The following EML5 variants were observed in gnomAD, a reference collection of about 807,000 sequenced individuals.
The protein encoded by EML5 is EMAP like 5.
In EML5, 120 loss-of-function variants were observed where a neutral mutation model predicts 250.0. The observed-to-expected ratio is 0.48, with a 90% CI of 0.41 to 0.56. The LOEUF is 0.56. Ranked by LOEUF, EML5 falls within the 20% of genes least tolerant of loss-of-function variation. The probability of loss-of-function intolerance (pLI) is 0.00; values close to 1 mark genes in which losing one functional copy is unlikely to be tolerated. For synonymous variants in EML5, 771 were observed against 806.5 expected (o/e 0.96, Z 0.75); for missense variants, 2,006 against 2,437.6 (o/e 0.82, Z 3.73).
Position 88,746,201 on chromosome 14 carries a change from G to C in EML5, c.440C>G (p.Pro147Arg). ...WKRGKMLSMA[P>R]GHTDRIFDIS... Reference sequence around the variant, plus strand: ...AATACTTACTCTATCTGTATGACCAGGAGCCATAGACAACATTTTTCCCCT... The same window carrying C: ...AATACTTACTCTATCTGTATGACCACGAGCCATAGACAACATTTTTCCCCT... The change falls in exon 3 of 44, where the codon CCT becomes CGT. Residue 147 changes from proline (P) to arginine (R), a missense_variant. Physicochemically the swap from Pro to Arg is moderately radical, Grantham distance 103 (BLOSUM62 -2). Around this residue, in one of 7 missense-constraint regions of EML5, gnomAD observed 162 missense variants for 212.2 expected, o/e 0.76. Coordinates refer to ENST00000554922, the MANE Select transcript of EML5 (RefSeq NM_183387.3). 6.2e-7 allele frequency: 1 copy of C among 1,612,662 alleles called. No individual in the cohort carries two copies. Among genetic ancestry groups the C allele is most frequent in the Non-Finnish European group, 8.5e-7 (1 of 1,178,994 alleles).
At chr14:88,720,793 A>G (rs2093577723) in intron 8 of EML5, among the ~76,000 whole-genome samples, 1 of 152,210 alleles carries the variant, frequency 6.6e-6, no homozygotes, top group Non-Finnish European at 1.5e-5. Context: ...AGACAAGAAA[A>G]AGAAATAAAG....
intron 1 of EML5, among the ~76,000 whole-genome samples, chr14:88,775,534 C>CTG (rs1383289529): frequency 6.6e-6 from 1 of 152,050 alleles, no homozygotes; most frequent in East Asian, 1.9e-4. Context: ...GCTCCTCTGT[C>CTG]TTTAGAGAGA....
chr14:88,647,939 C>G (rs2091436122), intron 28 of EML5, among the ~76,000 whole-genome samples: 1 of 152,142 alleles, frequency 6.6e-6, no homozygotes, highest in South Asian at 2.1e-4. Context: ...ACTGGAGATA[C>G]TTCAAAGGAA....
chr14:88,621,795 A>G (rs2089002318), intron 37 of EML5: 2 of 372,356 alleles, frequency 5.4e-6, no homozygotes, highest in Non-Finnish European at 1.1e-5. Context: ...TTTGAAATTG[A>G]CACATAATTA....
chr14:88,729,312 T>G (rs1035798948), intron 7 of EML5, among the ~76,000 whole-genome samples: 3 of 152,204 alleles, frequency 2.0e-5, no homozygotes, highest in African/African-American at 7.2e-5. Context: ...ACTTCAACAT[T>G]AAATATGATA....
chr14:88,650,432 C>T lies in EML5; in HGVS notation c.4005-506G>A, dbSNP rs112725596. On this transcript the variant is annotated intron_variant, in intron 27 of 43. Transcript: ENST00000554922. ...TCGTGCCACTGCACTCCAGCCTGGG[C>T]GACACAGCAAGACTCTGTCTCAAAA... Among the ~76,000 whole-genome samples, 252 of 152,048 alleles carry T rather than the reference C, an allele frequency of 1.7e-3. 3 individuals are homozygous for T. The highest frequency in any genetic ancestry group is 2.9e-3 in the Non-Finnish European group (198 of 67,988).
chr14:88,691,010 C>T (rs539293125), intron 17 of EML5, among the ~76,000 whole-genome samples: 2 of 152,308 alleles, frequency 1.3e-5, no homozygotes, highest in East Asian at 3.9e-4. Context: ...GTCTGCCTCC[C>T]TGGTTTGTGG....
At position 88,664,633 on chromosome 14, in the gene EML5, G is replaced by T. The variant is rs750661186; in HGVS notation, c.3278-9C>A. The T allele has an allele frequency of 3.8e-6, 6 of 1,597,212 alleles. No homozygotes were observed. The Admixed American group carries it at 1.1e-4, about 28-fold the overall frequency. ...AAGATATTTCCCAGAACCTATAATAGAAACATATTTGCTTGACATTTTCTA... is the reference window on the plus strand; with the variant it reads ...AAGATATTTCCCAGAACCTATAATATAAACATATTTGCTTGACATTTTCTA... On this transcript the variant is annotated splice_polypyrimidine_tract_variant and intron_variant, in intron 22 of 43. Transcript: ENST00000554922.
chr14:88,733,872 T>A (rs1207023942), intron 7 of EML5, among the ~76,000 whole-genome samples: 2 of 152,186 alleles, frequency 1.3e-5, no homozygotes, highest in South Asian at 2.1e-4. Context: ...TGAAAATTTT[T>A]AAAAAATAAT....
chr14:88,639,727 C>T (rs1050982231), intron 31 of EML5, among the ~76,000 whole-genome samples: 7 of 152,036 alleles, frequency 4.6e-5, no homozygotes, highest in African/African-American at 1.7e-4. Flanking sequence ...CAGGTGTGTG[C>T]CATCATGCCC....
At chr14:88,657,707 T>C (rs570228579) in intron 26 of EML5, among the ~76,000 whole-genome samples, 1 of 152,280 alleles carries the variant, frequency 6.6e-6, no homozygotes, top group Non-Finnish European at 1.5e-5. Flanking sequence ...TAAGTAATAA[T>C]AGCAGGTTAA....
intron 21 of EML5, among the ~76,000 whole-genome samples, chr14:88,672,632 A>G (rs997470516): frequency 6.6e-6 from 1 of 152,052 alleles, no homozygotes; most frequent in African/African-American, 2.4e-5. Context: ...AAAAAAATTA[A>G]TAAAATAGAT....
Position 88,615,082 on chromosome 14 carries a change from A to G in EML5, c.*736T>C, listed in dbSNP as rs1567006539. The G allele has an allele frequency of 6.6e-6, 1 of 152,196 alleles. No individual in the cohort carries two copies. The allele number at this position is 152,196 out of a possible 1,614,324, so 9.4% of individuals were successfully genotyped here. On this transcript the variant is annotated 3_prime_UTR_variant, in exon 44 of 44. Coordinates refer to ENST00000554922, the MANE Select transcript of EML5 (RefSeq NM_183387.3). ...TTGTTCATCATACTACTTTTCCATT[A>G]GTGAGGCTACAGTTATGTTTTAAAT...
At chr14:88,717,831 A>G (rs1010422339) in intron 8 of EML5, among the ~76,000 whole-genome samples, 1 of 152,234 alleles carries the variant, frequency 6.6e-6, no homozygotes, top group Non-Finnish European at 1.5e-5. Flanking sequence ...AACCAATTAA[A>G]AGGTTACTGC....
At chr14:88,741,859 T>A (rs1361335351) in intron 4 of EML5, among the ~76,000 whole-genome samples, 1 of 152,188 alleles carries the variant, frequency 6.6e-6, no homozygotes, top group African/African-American at 2.4e-5. Flanking sequence ...TATATTCTTA[T>A]TTTAAAATTT....
At chr14:88,687,474 T>C in intron 18 of EML5, 147 bp from the exon 19 acceptor site, 1 of 605,676 alleles carries the variant, frequency 1.7e-6, no homozygotes, top group Non-Finnish European at 2.8e-6. Flanking sequence ...AAGAATCCAT[T>C]GTGTTTTTAA....
chr14:88,715,852 A>G (rs1358551579), intron 8 of EML5, among the ~76,000 whole-genome samples: 1 of 152,020 alleles, frequency 6.6e-6, no homozygotes, highest in Non-Finnish European at 1.5e-5. Context: ...TTTTAAATAG[A>G]ACACACATTC....
intron 1 of EML5, among the ~76,000 whole-genome samples, chr14:88,783,579 A>C (rs1364518709): frequency 6.6e-6 from 1 of 152,276 alleles, no homozygotes; most frequent in African/African-American, 2.4e-5. Context: ...AAGTCACCGT[A>C]TAATGACAAA....
At position 88,694,170 on chromosome 14, in the gene EML5, A is replaced by G. The variant is rs1006526927; in HGVS notation, c.2539+137T>C. The G allele has an allele frequency of 2.4e-5, 15 of 633,030 alleles. No homozygotes were observed. The African/African-American group carries it at 2.6e-4, about 11-fold the overall frequency. The allele number at this position is 633,030 out of a possible 1,614,324, so 39.2% of individuals were successfully genotyped here. On this transcript the variant is annotated intron_variant, in intron 17 of 43. Coordinates refer to ENST00000554922, the MANE Select transcript of EML5 (RefSeq NM_183387.3). ...TAAATGAACTCAAGACTTCATTCAG[A>G]TTTCATCAGTTTTTCTCCTAGTGTT...
Sources: allele counts gnomAD v4.1 joint callset (sites outside exome capture counted in the v4.1 genomes callset), GRCh38; gene constraint gnomAD v4.1.1; regional missense constraint gnomAD v4.1.1; transcripts MANE v1.5; gene names NCBI Gene and HGNC (gene_info 2026-07-23, HGNC 2026-07-21).